The following STAU2 variants were observed in gnomAD, a reference collection of about 807,000 sequenced individuals.
The protein encoded by STAU2 is double-stranded RNA-binding protein Staufen homolog 2.
Under a neutral mutation model 65.9 loss-of-function variants are expected in STAU2, and 20 were observed. That is an observed-to-expected ratio of 0.30 (90% CI 0.21 to 0.44). STAU2 has a LOEUF of 0.44. Among genes scored for constraint, STAU2 ranks in the 20% least tolerant of loss-of-function variants. The pLI is 1.00. For synonymous variants in STAU2, 232 were observed against 233.9 expected (o/e 0.99, Z 0.07); for missense variants, 558 against 683.9 (o/e 0.82, Z 2.05).
chr8:73,740,885 C>A (rs1157049129), intron 1 of STAU2, among the ~76,000 whole-genome samples: 1 of 151,902 alleles, frequency 6.6e-6, no homozygotes, highest in African/African-American at 2.4e-5. Flanking sequence ...CCTGTAATCC[C>A]AGCTACTCGG....
At chr8:73,608,134 A>G (rs1019691975) in intron 9 of STAU2, among the ~76,000 whole-genome samples, 2 of 152,216 alleles carry the variant, frequency 1.3e-5, no homozygotes, top group African/African-American at 2.4e-5. Flanking sequence ...TTTTAAGCAG[A>G]GGCATGATAT....
intron 13 of STAU2, among the ~76,000 whole-genome samples, chr8:73,483,281 T>C (rs973220861): frequency 7.2e-5 from 11 of 152,074 alleles, no homozygotes; most frequent in Admixed American, 6.6e-4. Context: ...CCACAAGAAC[T>C]TAAAGAAATC....
intron 13 of STAU2, among the ~76,000 whole-genome samples, chr8:73,445,491 A>G (rs937602732): frequency 7.9e-5 from 12 of 152,254 alleles, no homozygotes; most frequent in African/African-American, 2.9e-4. Flanking sequence ...CACAATTACC[A>G]TCAAGGAAAA....
At chr8:73,573,394 A>G (rs1809260397) in intron 12 of STAU2, among the ~76,000 whole-genome samples, 1 of 152,268 alleles carries the variant, frequency 6.6e-6, no homozygotes, top group Admixed American at 6.5e-5. Flanking sequence ...CAGAATTGGA[A>G]AAACCTACGT....
chr8:73,563,965 G>A (rs1164840503), intron 12 of STAU2, among the ~76,000 whole-genome samples: 1 of 152,158 alleles, frequency 6.6e-6, no homozygotes, highest in East Asian at 1.9e-4. Flanking sequence ...AGAAGTTGCA[G>A]TATCCCAGAT....
At position 73,613,786 on chromosome 8, in the gene STAU2, C is replaced by T. The variant is rs192673893; in HGVS notation, c.849G>A (p.Lys283=). The part of the protein sequence containing the change: ...KKLPPLPVVE[K]PKLFFKKRPK... Reference sequence around the variant, plus strand: ...GGCGTTTTTTAAAAAATAGTTTTGGCTTTTCCACCACAGGAAGAGGTGGAA... The same window carrying T: ...GGCGTTTTTTAAAAAATAGTTTTGGTTTTTCCACCACAGGAAGAGGTGGAA... The change falls in exon 9 of 15, where the codon AAG becomes AAA. Residue 283 remains lysine (K), a synonymous_variant. Transcript: ENST00000524300. 4 of 1,612,978 alleles carry T rather than the reference C, an allele frequency of 2.5e-6. No individual in the cohort carries two copies. The East Asian group carries it at 8.9e-5, about 36-fold the overall frequency.
At chr8:73,430,521 G>A (rs948245844) in intron 13 of STAU2, among the ~76,000 whole-genome samples, 1 of 152,136 alleles carries the variant, frequency 6.6e-6, no homozygotes, top group Non-Finnish European at 1.5e-5. Flanking sequence ...AGATGAGTTT[G>A]CTTCTCTTTC....
intron 13 of STAU2, among the ~76,000 whole-genome samples, chr8:73,474,041 C>A (rs928588163): frequency 2.6e-5 from 4 of 152,108 alleles, no homozygotes; most frequent in African/African-American, 9.7e-5. Flanking sequence ...CAGAGAGTTG[C>A]TAAGACCAAC....
At chr8:73,549,351 C>T (rs896262000) in intron 13 of STAU2, among the ~76,000 whole-genome samples, 2 of 151,572 alleles carry the variant, frequency 1.3e-5, no homozygotes, top group African/African-American at 2.4e-5. Context: ...TTCTAAAATA[C>T]GATAAAAACT....
chr8:73,665,708 G>A (rs1195461738), intron 6 of STAU2, among the ~76,000 whole-genome samples: 1 of 152,014 alleles, frequency 6.6e-6, no homozygotes, highest in Non-Finnish European at 1.5e-5. Context: ...TATCACTGCT[G>A]GTACAAATAC....
chr8:73,490,109 G>C (rs1821087961), intron 13 of STAU2, among the ~76,000 whole-genome samples: 1 of 152,000 alleles, frequency 6.6e-6, no homozygotes, highest in Admixed American at 6.6e-5. Flanking sequence ...CAGACAACTT[G>C]AGTGACTGAT....
intron 9 of STAU2, among the ~76,000 whole-genome samples, chr8:73,605,866 CACACACACACAT>C (rs1212355574): frequency 3.0e-3 from 173 of 57,892 alleles, no homozygotes; most frequent in Middle Eastern, 7.9e-3. Flanking sequence ...CACACACACA[CACACACACACAT>C]ACACACACAC....
In STAU2 at chr8:73,676,285, T is replaced by C. The variant is rs149926147; in HGVS notation, c.275-3043A>G. On this transcript the variant is annotated intron_variant, in intron 5 of 14. Transcript: ENST00000524300. ...ACAGTCACCAGGTTTATAACAAAGG[T>C]GCCACTACACTGCAGAGGGGAATGG... 6.6e-4 allele frequency among the ~76,000 whole-genome samples: 100 copies of C among 152,280 alleles called. 1 individual carries two copies. Among genetic ancestry groups the C allele is most frequent in the African/African-American group, 2.4e-3 (98 of 41,564 alleles).
At chr8:73,481,162 G>A (rs1283057403) in intron 13 of STAU2, among the ~76,000 whole-genome samples, 1 of 60,214 alleles carries the variant, frequency 1.7e-5, no homozygotes, top group Non-Finnish European at 5.6e-5. Flanking sequence ...CTCTCCCTCT[G>A]AGTGGGAACC....
At chr8:73,552,442 G>T (rs547663748) in intron 12 of STAU2, 123 bp from the exon 13 acceptor site, 2 of 794,936 alleles carry the variant, frequency 2.5e-6, no homozygotes, top group African/African-American at 1.7e-5. Flanking sequence ...TGCCAAACAA[G>T]TATCTTTGTC....
chr8:73,721,287 CAAAAAA>C (rs35721754), intron 3 of STAU2, among the ~76,000 whole-genome samples: 12 of 12,456 alleles, frequency 9.6e-4, no homozygotes, highest in African/African-American at 2.9e-3. Context: ...ACCCCACCTC[CAAAAAA>C]AAAAAAAAAA....
intron 4 of STAU2, among the ~76,000 whole-genome samples, chr8:73,698,923 T>TAAAAAAAAAAAAAAAAAAAAAAAAAAAAA (rs34819729): frequency 7.7e-6 from 1 of 129,100 alleles, no homozygotes; most frequent in Non-Finnish European, 1.6e-5. Flanking sequence ...CTTAAAACAT[T>TAAAAAAAAAAAAAAAAAAAAAAAAAAAAA]AAAAAAAAAA....
intron 11 of STAU2, among the ~76,000 whole-genome samples, chr8:73,587,537 T>C (rs1223595663): frequency 1.3e-5 from 2 of 152,068 alleles, no homozygotes; most frequent in Admixed American, 1.3e-4. Flanking sequence ...AGGGTGTACG[T>C]TGGGAAAGGA....
chr8:73,571,441 T>C (rs1368898604), intron 12 of STAU2, among the ~76,000 whole-genome samples: 3 of 152,220 alleles, frequency 2.0e-5, no homozygotes, highest in African/African-American at 7.2e-5. Flanking sequence ...CAACAGAATA[T>C]ACATTCTTCT....
Sources: gnomAD v4.1 joint callset for allele counts (sites outside exome capture counted in the v4.1 genomes callset) on GRCh38, gnomAD v4.1.1 for gene constraint, MANE v1.5 for transcripts, NCBI Gene and HGNC (gene_info 2026-07-23, HGNC 2026-07-21) for gene names.